SPTLC3: variants seen among roughly 807,000 people sequenced by gnomAD.
SPTLC3 encodes serine palmitoyltransferase 3.
SPTLC3 carries 36 observed loss-of-function variants against 59.3 expected under a neutral mutation model. The observed-to-expected ratio is 0.61, with a 90% CI of 0.47 to 0.80. The LOEUF (loss-of-function observed/expected upper bound fraction) is 0.80, where lower values mean the gene tolerates loss of function less well. Among genes scored for constraint, SPTLC3 ranks in the 30% least tolerant of loss-of-function variants. The pLI, the probability that SPTLC3 is intolerant of heterozygous loss-of-function variation, is 0.00. For synonymous variants in SPTLC3, 257 were observed against 240.8 expected, an observed-to-expected ratio of 1.07 and a Z score of -0.62; for missense variants, 625 against 685.1, an observed-to-expected ratio of 0.91 and a Z score of 0.98.
chr20:13,098,041 C>T (rs1385548515), intron 6 of SPTLC3, among the ~76,000 whole-genome samples: 1 of 152,202 alleles, frequency 6.6e-6, no homozygotes, highest in South Asian at 2.1e-4. Flanking sequence ...AACTTATGAC[C>T]TGTGAACTAA....
chr20:13,010,504 A>C (rs1460453199), intron 1 of SPTLC3, among the ~76,000 whole-genome samples: 1 of 152,170 alleles, frequency 6.6e-6, no homozygotes, highest in Non-Finnish European at 1.5e-5. Flanking sequence ...CCCCAAAAGC[A>C]TTCCCCTCTT....
chr20:13,160,040 G>A lies in SPTLC3; in HGVS notation c.1453G>A (p.Val485Met), dbSNP rs960905811. 7.4e-6 allele frequency: 12 copies of A among 1,613,202 alleles called. No individual in the cohort carries two copies. The Admixed American group carries it at 1.2e-4, about 16-fold the overall frequency. Residue 485 changes from valine to methionine, a missense_variant, in exon 11 of 12, where the codon GTG becomes ATG. Physicochemically the swap from Val to Met is conservative, Grantham distance 21. Transcript: ENST00000399002. ...ARHMLEKKIG[V>M]VVVGFPATPL... ...GCATATGCTAGAGAAAAAAATTGGA[G>A]TGGTGGTCGTGGGATTTCCAGCCAC... is the stretch of plus-strand genomic sequence containing the variant.
intron 2 of SPTLC3, among the ~76,000 whole-genome samples, chr20:13,065,371 C>G (rs4814197): frequency 0.41 from 61,248 of 149,336 alleles, 12,586 homozygotes; most frequent in Middle Eastern, 0.57. Flanking sequence ...TGCTTTTTAC[C>G]TTATATTCTA....
At chr20:13,137,607 A>G (rs143309496) in intron 9 of SPTLC3, among the ~76,000 whole-genome samples, 1 of 152,282 alleles carries the variant, frequency 6.6e-6, no homozygotes, top group East Asian at 1.9e-4. Context: ...CAGAGAGGCT[A>G]AAGATGACAA....
At chr20:13,051,025 A>G (rs1449470882) in intron 2 of SPTLC3, 2 of 152,218 alleles carry the variant, frequency 1.3e-5, no homozygotes, top group African/African-American at 2.4e-5. Context: ...AAGCAAAAAC[A>G]AAAAAGAAAA....
intron 2 of SPTLC3, among the ~76,000 whole-genome samples, chr20:13,065,868 A>C (rs2122550879): frequency 1.4e-5 from 1 of 70,956 alleles, no homozygotes; most frequent in East Asian, 3.5e-4. Flanking sequence ...ATAACTGTCA[A>C]GCTAATAACA....
intron 4 of SPTLC3, among the ~76,000 whole-genome samples, chr20:13,083,289 T>C (rs1266708271): frequency 6.6e-6 from 1 of 152,142 alleles, no homozygotes; most frequent in Non-Finnish European, 1.5e-5. Flanking sequence ...TCCTCTGAAC[T>C]ATTCACCAGC....
chr20:13,055,347 G>A (rs1237244470), intron 2 of SPTLC3, among the ~76,000 whole-genome samples: 1 of 151,894 alleles, frequency 6.6e-6, no homozygotes, highest in Non-Finnish European at 1.5e-5. Flanking sequence ...AATGTAACTG[G>A]GAAAATGGGA....
intron 9 of SPTLC3, among the ~76,000 whole-genome samples, chr20:13,131,692 C>T (rs535683575): frequency 6.6e-6 from 1 of 152,338 alleles, no homozygotes; most frequent in Admixed American, 6.5e-5. Context: ...CACCTCTCAC[C>T]TGGATTCCTG....
chr20:13,011,267 C>T (rs904485678), intron 1 of SPTLC3, among the ~76,000 whole-genome samples: 2 of 152,130 alleles, frequency 1.3e-5, no homozygotes, highest in African/African-American at 4.8e-5. Context: ...CCTTGGGACC[C>T]TTTAACAAAC....
At chr20:13,061,108 G>A (rs150559310) in intron 2 of SPTLC3, among the ~76,000 whole-genome samples, 3 of 151,922 alleles carry the variant, frequency 2.0e-5, no homozygotes, top group Non-Finnish European at 4.4e-5. Flanking sequence ...CCACAATCTT[G>A]CCAACATCTG....
At chr20:13,151,565 A>G (rs2038649023) in intron 9 of SPTLC3, among the ~76,000 whole-genome samples, 1 of 152,176 alleles carries the variant, frequency 6.6e-6, no homozygotes, top group Non-Finnish European at 1.5e-5. Context: ...AGTAACAGAA[A>G]ACAAGCATGG....
Position 13,009,097 on chromosome 20 carries a change from G to T in SPTLC3, c.-171G>T, listed in dbSNP as rs1035109470. 3.2e-6 allele frequency: 2 copies of T among 627,544 alleles called. No individual in the cohort carries two copies. Among genetic ancestry groups the T allele is most frequent in the Non-Finnish European group, 5.7e-6 (2 of 351,496 alleles). 38.9% of individuals were successfully genotyped at this position (627,544 alleles called of 1,614,324 possible). On this transcript the variant is annotated 5_prime_UTR_variant, in exon 1 of 12. Transcript: ENST00000399002. ...GGTAACCATTTGTTTTAGTTTCAAC[G>T]ATCTGACAAAAAGATAGGCTGTTGC...
At chr20:13,137,504 A>T (rs1289807202) in intron 9 of SPTLC3, among the ~76,000 whole-genome samples, 1 of 152,130 alleles carries the variant, frequency 6.6e-6, no homozygotes, top group African/African-American at 2.4e-5. Flanking sequence ...TTGGCTATAT[A>T]GTGTTATATT....
chr20:13,039,868 T>C lies in SPTLC3; in HGVS notation c.118-9077T>C, dbSNP rs549506583. On this transcript the variant is annotated intron_variant, in intron 1 of 11. Transcript: ENST00000399002. ...ATACAAACTTAAATCCAGTGATATATAGAAATGTTACTTCTATATAGCCTA... is the reference window on the plus strand; with the variant it reads ...ATACAAACTTAAATCCAGTGATATACAGAAATGTTACTTCTATATAGCCTA... 2.6e-5 allele frequency among the ~76,000 whole-genome samples: 4 copies of C among 152,214 alleles called. No individual in the cohort carries two copies. In the South Asian group the frequency reaches 6.2e-4, roughly 24 times the overall value.
chr20:13,103,881 C>T (rs191755263), intron 6 of SPTLC3, among the ~76,000 whole-genome samples: 16 of 152,286 alleles, frequency 1.1e-4, no homozygotes, highest in South Asian at 4.2e-4. Context: ...TTTTTTCTTC[C>T]GGAAGACACA....
chr20:13,149,594 AAAGCGTGGC>A (rs1184350821), intron 9 of SPTLC3, among the ~76,000 whole-genome samples: 3 of 152,256 alleles, frequency 2.0e-5, no homozygotes, highest in African/African-American at 4.8e-5. Flanking sequence ...CCTATATGAG[AAAGCGTGGC>A]AACCACAAAG....
At chr20:13,076,329 G>A (rs1339788740) in intron 4 of SPTLC3, among the ~76,000 whole-genome samples, 3 of 152,148 alleles carry the variant, frequency 2.0e-5, no homozygotes, top group Admixed American at 2.0e-4. Context: ...AATGAACACA[G>A]GTAACTTCTG....
intron 2 of SPTLC3, among the ~76,000 whole-genome samples, chr20:13,060,289 C>T (rs555065762): frequency 6.6e-5 from 10 of 152,038 alleles, no homozygotes; most frequent in African/African-American, 2.4e-4. Flanking sequence ...AGTTTGGGTG[C>T]AAGAGTACAT....
Sources: gnomAD v4.1 joint callset for allele counts (sites outside exome capture counted in the v4.1 genomes callset) on GRCh38, gnomAD v4.1.1 for gene constraint, MANE v1.5 for transcripts, NCBI Gene and HGNC (gene_info 2026-07-23, HGNC 2026-07-21) for gene names.